The following MPP7 variants were observed in gnomAD, a reference collection of about 807,000 sequenced individuals.
MPP7 encodes MAGUK p55 subfamily member 7.
A neutral mutation model predicts 76.5 loss-of-function variants in MPP7; 60 were observed. The ratio of observed to expected loss-of-function variants is 0.78; its 90% CI spans 0.64 to 0.97. The LOEUF (loss-of-function observed/expected upper bound fraction) is 0.97. Ranked by LOEUF, MPP7 falls within the 50% of genes least tolerant of loss-of-function variation. MPP7 has a pLI of 0.00. For missense variants in MPP7, 641 were observed against 694.0 expected, an observed-to-expected ratio of 0.92 and a Z score of 0.86; for synonymous variants, 237 against 244.5, an observed-to-expected ratio of 0.97 and a Z score of 0.29.
chr10:28,267,044 C>T (rs909351776), intron 1 of MPP7, among the ~76,000 whole-genome samples: 1 of 152,206 alleles, frequency 6.6e-6, no homozygotes, highest in Non-Finnish European at 1.5e-5. Flanking sequence ...TCTGTTCTGC[C>T]ATATGCGTTA....
At chr10:28,096,637 A>G (rs894806643) in intron 11 of MPP7, among the ~76,000 whole-genome samples, 1 of 152,216 alleles carries the variant, frequency 6.6e-6, no homozygotes, top group Non-Finnish European at 1.5e-5. Flanking sequence ...GAATTTATAA[A>G]TATCTTTCCT....
chr10:28,250,870 T>C (rs1839592592), intron 1 of MPP7, among the ~76,000 whole-genome samples: 1 of 152,214 alleles, frequency 6.6e-6, no homozygotes, highest in Admixed American at 6.5e-5. Context: ...AGGATCATAA[T>C]AGTAAGTATA....
At chr10:28,312,205 C>G (rs921974337) in intron 2 of MPP7, among the ~76,000 whole-genome samples, 4 of 152,120 alleles carry the variant, frequency 2.6e-5, no homozygotes, top group Non-Finnish European at 4.4e-5. Flanking sequence ...TTTGTCCCCT[C>G]GCATGTTCTG....
intron 4 of MPP7, among the ~76,000 whole-genome samples, chr10:28,149,196 T>C (rs996589105): frequency 6.6e-6 from 1 of 152,224 alleles, no homozygotes; most frequent in African/African-American, 2.4e-5. Context: ...CACTGAATTA[T>C]ATAGCTTGTC....
intron 8 of MPP7, among the ~76,000 whole-genome samples, chr10:28,122,429 G>A (rs1834871307): frequency 6.6e-6 from 1 of 152,158 alleles, no homozygotes; most frequent in Admixed American, 6.5e-5. Flanking sequence ...ATTGCTTGAG[G>A]ATTAATTTCC....
intron 3 of MPP7, among the ~76,000 whole-genome samples, chr10:28,176,478 T>C (rs1209377163): frequency 6.6e-6 from 1 of 152,164 alleles, no homozygotes; most frequent in Non-Finnish European, 1.5e-5. Context: ...CTCACGCCTG[T>C]ATCCCCAGCA....
intron 6 of MPP7, among the ~76,000 whole-genome samples, chr10:28,130,122 A>G (rs1835145631): frequency 6.6e-6 from 1 of 150,664 alleles, no homozygotes; most frequent in South Asian, 2.1e-4. Flanking sequence ...ATAAATTCTA[A>G]TATCTTTTAA....
At chr10:28,109,620 C>A (rs1420697085) in intron 11 of MPP7, among the ~76,000 whole-genome samples, 1 of 151,744 alleles carries the variant, frequency 6.6e-6, no homozygotes, top group African/African-American at 2.4e-5. Flanking sequence ...CCACCCCCAC[C>A]GAATCTCAGA....
At chr10:28,240,788 T>G (rs925911730) in intron 1 of MPP7, among the ~76,000 whole-genome samples, 21 of 145,860 alleles carry the variant, frequency 1.4e-4, no homozygotes, top group African/African-American at 5.5e-4. Flanking sequence ...TAATTCAAAG[T>G]CAAAAAAAGA....
intron 2 of MPP7, among the ~76,000 whole-genome samples, chr10:28,235,334 G>T (rs930592526): frequency 9.3e-5 from 12 of 129,666 alleles, no homozygotes; most frequent in East Asian, 1.1e-3. Flanking sequence ...GCTAATAACA[G>T]GGGAAACTAA....
intron 2 of MPP7, among the ~76,000 whole-genome samples, chr10:28,219,872 G>A (rs1838441008): frequency 6.6e-6 from 1 of 151,940 alleles, no homozygotes; most frequent in Non-Finnish European, 1.5e-5. Context: ...GCACTGTTCG[G>A]TGCCATTCAT....
intron 2 of MPP7, among the ~76,000 whole-genome samples, chr10:28,212,194 C>T (rs538359203): frequency 7.9e-5 from 12 of 152,084 alleles, no homozygotes; most frequent in South Asian, 2.1e-4. Context: ...AGCCGAGGGC[C>T]GAGGCAGACA....
At chr10:28,101,540 C>T (rs1853825750) in intron 11 of MPP7, among the ~76,000 whole-genome samples, 1 of 151,896 alleles carries the variant, frequency 6.6e-6, no homozygotes. Flanking sequence ...ATGGCAAACC[C>T]CTCTTAACTT....
At chr10:28,181,659 G>C (rs888170810) in intron 3 of MPP7, among the ~76,000 whole-genome samples, 3 of 152,152 alleles carry the variant, frequency 2.0e-5, no homozygotes, top group Admixed American at 6.6e-5. Flanking sequence ...AATCTCCCTT[G>C]AACACCTACT....
rs373608715 is a variant in MPP7, at chr10:28,055,609, A to G, written c.1551+871T>C. ...ATTTCCAATAACACTCATAGAAAAT[A>G]CAAATATTATTGCTGAATAATATTG... On this transcript the variant is annotated intron_variant, in intron 16 of 16. Transcript: ENST00000683449. Among the ~76,000 whole-genome samples the G allele has an allele frequency of 2.6e-5, 4 of 152,342 alleles. No homozygotes were observed. In the East Asian group the frequency reaches 7.7e-4, roughly 29 times the overall value.
At chr10:28,287,243 A>C (rs1840810003) in intron 1 of MPP7, among the ~76,000 whole-genome samples, 1 of 152,202 alleles carries the variant, frequency 6.6e-6, no homozygotes, top group African/African-American at 2.4e-5. Flanking sequence ...TGCCACCAAG[A>C]GTGTGACAGC....
At chr10:28,112,655 T>G (rs553780482) in intron 11 of MPP7, among the ~76,000 whole-genome samples, 2 of 152,046 alleles carry the variant, frequency 1.3e-5, no homozygotes, top group East Asian at 3.9e-4. Flanking sequence ...GAAACAGAAT[T>G]TCTCAGACTT....
chr10:28,056,615 C>T lies in MPP7; in HGVS notation c.1416G>A (p.Lys472=), dbSNP rs777093155. The change falls in exon 16 of 17, where the codon AAG becomes AAA. Residue 472 remains lysine (K), a synonymous_variant. Coordinates refer to ENST00000683449, the MANE Select transcript of MPP7 (RefSeq NM_001318170.2). ...GCTTAAATTCTAGTGTCCTTAAATG[C>T]TTCACTGTCTACAAGGAAGAAAAGA... The part of the protein sequence containing the change: ...CLLDVQPHTV[K]HLRTLEFKPY... 3 of 1,585,942 alleles carry T rather than the reference C, an allele frequency of 1.9e-6. No homozygotes were observed. The African/African-American group carries it at 4.1e-5, about 22-fold the overall frequency.
chr10:28,238,629 G>A lies in MPP7; in HGVS notation c.-25C>T. ...TGATGCAAGGTGTAGGAACAGGTCA[G>A]CCCACCGCTCTCCGGACACCCTGCC... On this transcript the variant is annotated 5_prime_UTR_variant, in exon 2 of 17. Coordinates refer to ENST00000683449, the MANE Select transcript of MPP7 (RefSeq NM_001318170.2). 1 of 1,613,866 alleles carries A rather than the reference G, an allele frequency of 6.2e-7. No homozygotes were observed. The highest frequency in any genetic ancestry group is 2.2e-5 in the East Asian group (1 of 44,870).
Sources: gnomAD v4.1 joint callset for allele counts (sites outside exome capture counted in the v4.1 genomes callset) on GRCh38, gnomAD v4.1.1 for gene constraint, MANE v1.5 for transcripts, NCBI Gene and HGNC (gene_info 2026-07-23, HGNC 2026-07-21) for gene names.